The following GGCT variants were observed in gnomAD, a reference collection of about 807,000 sequenced individuals.
GGCT encodes the protein cytochrome c-releasing factor 21.
In GGCT, 20 loss-of-function variants were observed where a neutral mutation model predicts 22.1. The ratio of observed to expected loss-of-function variants is 0.91; its 90% CI spans 0.64 to 1.32. GGCT has a LOEUF of 1.32. GGCT is among the 40% of genes most tolerant of loss of function. The pLI, the probability that GGCT is intolerant of heterozygous loss-of-function variation, is 0.00. For missense variants in GGCT, 209 were observed against 223.5 expected (o/e 0.94, Z 0.41); for synonymous variants, 72 against 78.4 (o/e 0.92, Z 0.43).
At chr7:30,499,072 A>C in intron 2 of GGCT, 134 bp from the exon 3 acceptor site, 1 of 830,284 alleles carries the variant, frequency 1.2e-6, no homozygotes, top group Non-Finnish European at 2.1e-6. Context: ...CTTGCTCCCT[A>C]TGTATTTGGG....
intron 1 of GGCT, among the ~76,000 whole-genome samples, chr7:30,502,551 T>C (rs957342386): frequency 1.3e-5 from 2 of 152,240 alleles, no homozygotes; most frequent in South Asian, 4.1e-4. Context: ...TTCTGTTCAC[T>C]TGACTGTTTA....
At chr7:30,500,044 A>G (rs1789664020) in intron 2 of GGCT, among the ~76,000 whole-genome samples, 1 of 152,196 alleles carries the variant, frequency 6.6e-6, no homozygotes, top group South Asian at 2.1e-4. Flanking sequence ...TTTGTATGAA[A>G]TGCTCTGCCA....
chr7:30,499,528 AC>A (rs200618620), intron 2 of GGCT, among the ~76,000 whole-genome samples: 6,172 of 151,420 alleles, frequency 0.041, 179 homozygotes, highest in African/African-American at 0.077. Flanking sequence ...ACATGGAGAA[AC>A]CTTGTCTCTA....
intron 1 of GGCT, among the ~76,000 whole-genome samples, chr7:30,502,228 AT>A (rs1222036013): frequency 2.6e-5 from 4 of 152,128 alleles, no homozygotes; most frequent in African/African-American, 9.7e-5. Context: ...AAAATTATGC[AT>A]GGGCCTTTTT....
rs773154469 is a variant in GGCT at position 30,497,087 on chromosome 7, A to C, written c.*5T>G. On this transcript the variant is annotated 3_prime_UTR_variant, in exon 4 of 4. Transcript: ENST00000275428. ...AGAATACCCTTAGATATATTCTGTT[A>C]TGTTCTAAAGAGTTTGTGTTTCCCC... 6 of 1,566,540 alleles carry C rather than the reference A, an allele frequency of 3.8e-6. No individual in the cohort carries two copies. The highest frequency in any genetic ancestry group is 2.2e-4 in the Middle Eastern group (1 of 4,632).
chr7:30,498,000 C>A (rs911353750), intron 3 of GGCT: 17 of 190,708 alleles, frequency 8.9e-5, no homozygotes, highest in African/African-American at 2.2e-4. Context: ...AAAAACATTA[C>A]AAAAGCATAT....
At chr7:30,497,883 G>A (rs188367307) in intron 3 of GGCT, 101 of 1,438,838 alleles carry the variant, frequency 7.0e-5, no homozygotes, top group Non-Finnish European at 8.1e-5. Flanking sequence ...GCAGTGTGAC[G>A]TTTCTTTCTC....
chr7:30,502,973 C>T (rs575721856), intron 1 of GGCT, among the ~76,000 whole-genome samples: 1 of 152,270 alleles, frequency 6.6e-6, no homozygotes, highest in Non-Finnish European at 1.5e-5. Context: ...AGATGTGGCC[C>T]TTCCACATAT....
At chr7:30,499,841 T>TG (rs1318476481) in intron 2 of GGCT, among the ~76,000 whole-genome samples, 2 of 152,058 alleles carry the variant, frequency 1.3e-5, no homozygotes, top group South Asian at 2.1e-4. Context: ...ATAGTTTGTT[T>TG]TTTTTTTCAA....
rs538198384 is a variant in GGCT at position 30,504,532 on chromosome 7, C to T, written c.141+37G>A. 7.5e-6 allele frequency: 12 copies of T among 1,610,416 alleles called. No homozygotes were observed. In the African/African-American group the frequency reaches 1.5e-4, roughly 20 times the overall value. ...CCGAGGAAGCGCCTTCTGGGCATCC[C>T]GGCCCCGGCGTGGGTAGCGCGGGAG... On this transcript the variant is annotated intron_variant, in intron 1 of 3. Transcript: ENST00000275428.
At chr7:30,500,098 C>G (rs749042377) in intron 2 of GGCT, among the ~76,000 whole-genome samples, 3 of 152,314 alleles carry the variant, frequency 2.0e-5, no homozygotes, top group Non-Finnish European at 4.4e-5. Flanking sequence ...CAAAGCATTT[C>G]TAACATGTCC....
In GGCT at chr7:30,504,729, C is replaced by T; in HGVS notation, c.-20G>A. The T allele has an allele frequency of 1.2e-6, 2 of 1,613,418 alleles. No homozygotes were observed. Among genetic ancestry groups the T allele is most frequent in the Non-Finnish European group, 1.7e-6 (2 of 1,179,416 alleles). Reference sequence around the variant, plus strand: ...GGCCATATCCCACTACGCCCCTGCACTGGAGCCTGAAGCAGAGTGTAAGGA... The same window carrying T: ...GGCCATATCCCACTACGCCCCTGCATTGGAGCCTGAAGCAGAGTGTAAGGA... On this transcript the variant is annotated 5_prime_UTR_variant, in exon 1 of 4. In the 5' UTR this introduces an upstream ATG that the reference lacks. Transcript: ENST00000275428.
At chr7:30,498,710 C>G (rs960367060) in intron 3 of GGCT, 93 bp downstream of exon 3, 1 of 1,152,030 alleles carries the variant, frequency 8.7e-7, no homozygotes, top group Non-Finnish European at 1.3e-6. Flanking sequence ...TGAGCCACCA[C>G]GTTGGGCCTA....
In GGCT at chr7:30,504,769, C is replaced by G. The variant is rs918715102; in HGVS notation, c.-60G>C. On this transcript the variant is annotated 5_prime_UTR_variant, in exon 1 of 4. Transcript: ENST00000275428. Reference sequence around the variant, plus strand: ...GAGTGTAAGGAACGGCCAGAGAGCGCAACACTGGGGCCCACTACCCCGGCG... The same window carrying G: ...GAGTGTAAGGAACGGCCAGAGAGCGGAACACTGGGGCCCACTACCCCGGCG... 63 of 1,555,094 alleles carry G rather than the reference C, an allele frequency of 4.1e-5. No individual in the cohort carries two copies. Among genetic ancestry groups the G allele is most frequent in the Non-Finnish European group, 5.0e-5 (57 of 1,129,104 alleles).
intron 1 of GGCT, among the ~76,000 whole-genome samples, chr7:30,502,957 C>T (rs1583951611): frequency 6.6e-6 from 1 of 152,166 alleles, no homozygotes; most frequent in African/African-American, 2.4e-5. Flanking sequence ...CTTCTGTGGT[C>T]CTGGAAGATG....
At chr7:30,497,798 T>C (rs1272430562) in intron 3 of GGCT, 1 of 1,466,764 alleles carries the variant, frequency 6.8e-7, no homozygotes, top group Non-Finnish European at 9.1e-7. Context: ...GCTTAGGTTC[T>C]GAACAGGAAT....
chr7:30,499,643 C>T (rs1372971765), intron 2 of GGCT, among the ~76,000 whole-genome samples: 2 of 150,990 alleles, frequency 1.3e-5, no homozygotes, highest in African/African-American at 2.4e-5. Flanking sequence ...ACCCGGGAGG[C>T]AGAGGTTGGG....
intron 1 of GGCT, among the ~76,000 whole-genome samples, chr7:30,504,204 G>A (rs1315299312): frequency 3.9e-5 from 6 of 152,354 alleles, no homozygotes; most frequent in Admixed American, 3.3e-4. Context: ...CTGTAACAAA[G>A]GTTATGTACA....
chr7:30,502,196 A>T (rs1789719575), intron 1 of GGCT, among the ~76,000 whole-genome samples: 1 of 152,146 alleles, frequency 6.6e-6, no homozygotes, highest in Non-Finnish European at 1.5e-5. Context: ...TTTTTTGCTT[A>T]CCTGTGGTGG....
Sources: gnomAD v4.1 joint callset for allele counts (sites outside exome capture counted in the v4.1 genomes callset) on GRCh38, gnomAD v4.1.1 for gene constraint, MANE v1.5 for transcripts, NCBI Gene and HGNC (gene_info 2026-07-23, HGNC 2026-07-21) for gene names.